The following WNK2 variants were observed in gnomAD, a reference collection of about 807,000 sequenced individuals.
WNK2 encodes WNK lysine deficient protein kinase 2.
In WNK2, 67 loss-of-function variants were observed where a neutral mutation model predicts 192.1. The ratio of observed to expected loss-of-function variants is 0.35; its 90% confidence interval spans 0.29 to 0.43. The LOEUF is 0.43. Ranked by LOEUF, WNK2 falls within the 20% of genes least tolerant of loss-of-function variation. The probability of loss-of-function intolerance (pLI) is 1.00; values close to 1 mark genes in which losing one functional copy is unlikely to be tolerated. For missense variants in WNK2, 2,698 were observed against 3,089.7 expected (o/e 0.87, Z 3.01); for synonymous variants, 1,439 against 1,393.9 (o/e 1.03, Z -0.72).
rs148001072 is a variant in WNK2 at position 93,299,252 on chromosome 9, C to T, written c.6106C>T (p.Arg2036Cys). The change falls in exon 25 of 30, where the codon CGT becomes TGT. Residue 2036 changes from arginine (R) to cysteine (C), a missense_variant. Arg to Cys is a radical substitution (Grantham distance 180, BLOSUM62 -3). Coordinates refer to ENST00000427277, the MANE Select transcript of WNK2 (RefSeq NM_006648.4). ...CTTAGCCAGTGATGGAGGCGGAGCGCGTGGCCAAGGTGATTTCCAGCTTGC... is the reference window on the plus strand; with the variant it reads ...CTTAGCCAGTGATGGAGGCGGAGCGTGTGGCCAAGGTGATTTCCAGCTTGC... ...SGLASDGGGA[R>C]GQGWTVYHPT... 1.8e-4 allele frequency: 281 copies of T among 1,566,516 alleles called. No homozygotes were observed. The highest frequency in any genetic ancestry group is 2.1e-4 in the Non-Finnish European group (247 of 1,150,508).
rs1302453515 is a variant in WNK2 at position 93,293,004 on chromosome 9, C to T, written c.5539C>T (p.Pro1847Ser). The change falls in exon 23 of 30, where the codon CCT (proline) becomes TCT (serine). Residue 1847 changes from proline (P) to serine (S), a missense_variant. Pro to Ser is a moderately conservative substitution (Grantham distance 74). Around this residue, in one of 7 missense-constraint regions of WNK2, gnomAD observed 1,098 missense variants for 1,101.0 expected, o/e 1.00. Coordinates refer to ENST00000427277, the MANE Select transcript of WNK2 (RefSeq NM_006648.4). ...VKKATAFLQR[P>S]SRAGSLGPET... ...GAAGGCCACCGCCTTCCTGCAGAGG[C>T]CTTCTCGGGCCGGCTCGCTGGGCCC... is the stretch of plus-strand genomic sequence containing the variant. The T allele has an allele frequency of 3.8e-6, 6 of 1,587,942 alleles. No homozygotes were observed. Among genetic ancestry groups the T allele is most frequent in the African/African-American group, 1.4e-5 (1 of 73,916 alleles).
chr9:93,235,480 A>G (rs936388717), intron 5 of WNK2, among the ~76,000 whole-genome samples: 1 of 152,212 alleles, frequency 6.6e-6, no homozygotes, highest in African/African-American at 2.4e-5. Context: ...TGGGAACGTT[A>G]ATCCCTGTTT....
intron 2 of WNK2, among the ~76,000 whole-genome samples, chr9:93,221,902 A>T (rs1051710567): frequency 6.6e-6 from 1 of 152,238 alleles, no homozygotes; most frequent in African/African-American, 2.4e-5. Context: ...CAGATTGCCG[A>T]CATTTGGGTT....
intron 2 of WNK2, among the ~76,000 whole-genome samples, chr9:93,218,932 C>T (rs150349143): frequency 6.6e-6 from 1 of 152,212 alleles, no homozygotes; most frequent in Non-Finnish European, 1.5e-5. Flanking sequence ...CAGGTTGGCT[C>T]TCAGGACTCA....
intron 7 of WNK2, among the ~76,000 whole-genome samples, chr9:93,241,808 G>A (rs957059069): frequency 1.8e-4 from 27 of 152,322 alleles, no homozygotes; most frequent in Non-Finnish European, 2.8e-4. Context: ...GCCACATGGT[G>A]TAGGTTACGC....
intron 2 of WNK2, among the ~76,000 whole-genome samples, chr9:93,225,230 A>G (rs7045880): frequency 0.03 from 4,539 of 152,198 alleles, 212 homozygotes; most frequent in African/African-American, 0.1. Context: ...TGAGACTACC[A>G]TCTCTAAAAA....
At chr9:93,253,790 T>A (rs1289732735) in intron 9 of WNK2, among the ~76,000 whole-genome samples, 1 of 152,178 alleles carries the variant, frequency 6.6e-6, no homozygotes, top group Non-Finnish European at 1.5e-5. Flanking sequence ...CTTATTTTTT[T>A]ATTTTGATTT....
intron 19 of WNK2, among the ~76,000 whole-genome samples, chr9:93,276,482 A>G (rs554383976): frequency 6.6e-6 from 1 of 152,370 alleles, no homozygotes; most frequent in Admixed American, 6.5e-5. Context: ...AAGTTTTATA[A>G]GGAAACATTG....
intron 2 of WNK2, among the ~76,000 whole-genome samples, chr9:93,224,715 C>T (rs4744198): frequency 0.11 from 16,641 of 152,206 alleles, 1,061 homozygotes; most frequent in Middle Eastern, 0.15. Context: ...ATTTGCATAG[C>T]ACTGGGGACT....
At chr9:93,187,056 G>A (rs1037469287) in intron 2 of WNK2, among the ~76,000 whole-genome samples, 2 of 152,216 alleles carry the variant, frequency 1.3e-5, no homozygotes, top group Non-Finnish European at 2.9e-5. Context: ...ATTCTGGCGA[G>A]CGGTCTTCCT....
At chr9:93,198,265 C>T (rs1831643510) in intron 2 of WNK2, among the ~76,000 whole-genome samples, 1 of 152,218 alleles carries the variant, frequency 6.6e-6, no homozygotes, top group African/African-American at 2.4e-5. Context: ...AACTGCCCCG[C>T]CTCTGAGTTA....
At position 93,185,307 on chromosome 9, in the gene WNK2, G is replaced by C. The variant is rs1354789759; in HGVS notation, c.378G>C (p.Pro126=). The C allele has an allele frequency of 6.6e-7, 1 of 1,508,872 alleles. No homozygotes were observed. Among genetic ancestry groups the C allele is most frequent in the Non-Finnish European group, 8.8e-7 (1 of 1,133,386 alleles). 93.5% of individuals were successfully genotyped at this position (1,508,872 alleles called of 1,614,324 possible). A position where few individuals can be genotyped will look rare whatever the true frequency, so the allele number is the denominator to read the frequency against. ...CCGTGGGCACGCAGGAGCCCGGCCC[G>C]GACCCCATCGCAGCCGCTGTCGAAA... is the stretch of plus-strand genomic sequence containing the variant. ...PEPVGTQEPG[P]DPIAAAVETA... is the part of the protein sequence containing the mutation. The change falls in exon 2 of 30, where the codon CCG becomes CCC. Residue 126 remains proline, a synonymous_variant. Transcript: ENST00000427277.
At chr9:93,231,757 C>A (rs955164714) in intron 4 of WNK2, among the ~76,000 whole-genome samples, 4 of 152,216 alleles carry the variant, frequency 2.6e-5, no homozygotes, top group Non-Finnish European at 4.4e-5. Flanking sequence ...CTGTGAGAAG[C>A]CTTCCCAGCC....
At chr9:93,184,726 C>G (rs1405275954) in intron 1 of WNK2, among the ~76,000 whole-genome samples, 3 of 152,092 alleles carry the variant, frequency 2.0e-5, no homozygotes, top group African/African-American at 7.2e-5. Flanking sequence ...GAGCAGGGCA[C>G]GGACCCCTCC....
At chr9:93,295,628 T>C (rs1376728857) in intron 23 of WNK2, among the ~76,000 whole-genome samples, 3 of 151,824 alleles carry the variant, frequency 2.0e-5, no homozygotes, top group Non-Finnish European at 4.4e-5. Flanking sequence ...GGGGTGGCCT[T>C]AGGCCTTGCA....
intron 2 of WNK2, among the ~76,000 whole-genome samples, chr9:93,193,628 A>G (rs1830729042): frequency 6.6e-6 from 1 of 152,212 alleles, no homozygotes; most frequent in Admixed American, 6.5e-5. Flanking sequence ...GCCTCTGACC[A>G]TAGACAATTC....
chr9:93,274,436 C>T (rs1341199489), intron 19 of WNK2, among the ~76,000 whole-genome samples: 2 of 149,934 alleles, frequency 1.3e-5, no homozygotes, highest in African/African-American at 5.0e-5. Context: ...GGCGTGAACC[C>T]AGGAGGTGGA....
chr9:93,263,593 A>G lies in WNK2; in HGVS notation c.3438A>G (p.Gly1146=), dbSNP rs1366549704. ...ESYGGSDVTS[G]KELSDSCEGA... is the part of the protein sequence containing the mutation. ...ATGGAGGTTCTGATGTCACTTCTGG[A>G]AAAGAGCTGAGTGACAGCTGTGAAG... Residue 1146 remains glycine, a synonymous_variant, in exon 15 of 30, where the codon GGA becomes GGG. Coordinates refer to ENST00000427277, the MANE Select transcript of WNK2 (RefSeq NM_006648.4). The G allele has an allele frequency of 6.2e-7, 1 of 1,610,950 alleles. No homozygotes were observed. Among genetic ancestry groups the G allele is most frequent in the African/African-American group, 1.3e-5 (1 of 74,686 alleles).
intron 2 of WNK2, among the ~76,000 whole-genome samples, chr9:93,202,465 C>A (rs1357508341): frequency 6.6e-6 from 1 of 152,090 alleles, no homozygotes; most frequent in African/African-American, 2.4e-5. Context: ...CGAGGGGCCA[C>A]CTGTCCCGTG....
Sources: allele counts gnomAD v4.1 joint callset (sites outside exome capture counted in the v4.1 genomes callset), GRCh38; gene constraint gnomAD v4.1.1; regional missense constraint gnomAD v4.1.1; transcripts MANE v1.5; gene names NCBI Gene and HGNC (gene_info 2026-07-23, HGNC 2026-07-21).